The following PLAAT1 variants were observed in gnomAD, a reference collection of about 807,000 sequenced individuals.
PLAAT1 encodes H-REV107 protein-related protein.
A neutral mutation model predicts 16.4 loss-of-function variants in PLAAT1; 13 were observed. That is an observed-to-expected ratio of 0.79 (90% CI 0.52 to 1.26). The LOEUF (loss-of-function observed/expected upper bound fraction) is 1.26, where lower values mean the gene tolerates loss of function less well. Among genes scored for constraint, PLAAT1 ranks in the 50% most tolerant of loss-of-function variants. The probability of loss-of-function intolerance (pLI) is 0.00; values close to 1 mark genes in which losing one functional copy is unlikely to be tolerated. For missense variants in PLAAT1, 218 were observed against 207.8 expected (o/e 1.05, Z -0.30); for synonymous variants, 73 against 78.4 (o/e 0.93, Z 0.36).
chr3:193,262,596 T>C (rs1325056450), intron 2 of PLAAT1, among the ~76,000 whole-genome samples: 2 of 152,238 alleles, frequency 1.3e-5, no homozygotes, highest in East Asian at 3.9e-4. Context: ...AAAACTGCCT[T>C]ATAGAAAAAG....
intron 1 of PLAAT1, among the ~76,000 whole-genome samples, chr3:193,249,229 A>G (rs986941021): frequency 1.2e-4 from 18 of 151,794 alleles, no homozygotes; most frequent in Non-Finnish European, 1.5e-5. Context: ...CAGCTTTCCT[A>G]TCTTCTCTTT....
intron 1 of PLAAT1, among the ~76,000 whole-genome samples, chr3:193,245,697 A>G (rs1207356308): frequency 1.3e-5 from 2 of 152,268 alleles, no homozygotes; most frequent in East Asian, 3.9e-4. Context: ...CCTCACCAAC[A>G]CTTCTTATCA....
downstream of PLAAT1, among the ~76,000 whole-genome samples, chr3:193,280,782 A>G (rs184846237): frequency 3.4e-4 from 52 of 152,314 alleles, no homozygotes; most frequent in Admixed American, 3.2e-3. Context: ...CAGCATTGCC[A>G]TGATACAAAT....
At chr3:193,257,078 G>T (rs1208660408) in intron 2 of PLAAT1, among the ~76,000 whole-genome samples, 1 of 152,042 alleles carries the variant, frequency 6.6e-6, no homozygotes, top group Non-Finnish European at 1.5e-5. Flanking sequence ...CATTTCCCCG[G>T]ACTATGTCTC....
chr3:193,265,924 A>T (rs2108800760), intron 3 of PLAAT1, among the ~76,000 whole-genome samples: 1 of 152,256 alleles, frequency 6.6e-6, no homozygotes, highest in East Asian at 1.9e-4. Flanking sequence ...TGTTCACTGC[A>T]CTAACCAAGC....
intron 1 of PLAAT1, among the ~76,000 whole-genome samples, chr3:193,244,138 A>G (rs1463434217): frequency 6.6e-6 from 1 of 152,128 alleles, no homozygotes; most frequent in Non-Finnish European, 1.5e-5. Flanking sequence ...CACCCTTTGA[A>G]GGTCATCTTG....
chr3:193,271,662 A>T (rs897530491), downstream of PLAAT1, among the ~76,000 whole-genome samples: 3 of 152,108 alleles, frequency 2.0e-5, no homozygotes, highest in African/African-American at 7.2e-5. Context: ...CATAAACTAC[A>T]CCACCAGCCA....
At chr3:193,264,982 G>A (rs1288082994) in intron 3 of PLAAT1, among the ~76,000 whole-genome samples, 4 of 152,148 alleles carry the variant, frequency 2.6e-5, no homozygotes, top group African/African-American at 9.6e-5. Context: ...CACTCAATAC[G>A]ATTGCTATAA....
At chr3:193,252,405 T>C (rs1716225211) in intron 1 of PLAAT1, among the ~76,000 whole-genome samples, 1 of 152,180 alleles carries the variant, frequency 6.6e-6, no homozygotes, top group South Asian at 2.1e-4. Context: ...ATTGTATTGT[T>C]TGCTTTTTTA....
rs1411360444 is a variant in PLAAT1 at position 193,246,017 on chromosome 3, ACTT to A, written c.-1+4489_-1+4491del. Among the ~76,000 whole-genome samples the A allele has an allele frequency of 5.9e-5, 9 of 152,334 alleles. No homozygotes were observed. The East Asian group carries it at 1.4e-3, about 23-fold the overall frequency. On this transcript the variant is annotated intron_variant, in intron 1 of 3. Transcript: ENST00000264735. ...TAATGTCATCAACAAACAGAAATAC[ACTT>A]CTTCCATTCCTATATGAATGCCTTT...
chr3:193,249,026 G>A (rs1716091034), intron 1 of PLAAT1, among the ~76,000 whole-genome samples: 1 of 152,064 alleles, frequency 6.6e-6, no homozygotes, highest in African/African-American at 2.4e-5. Context: ...GTTTATCTGA[G>A]AAAGTTTTTT....
chr3:193,251,507 A>G (rs1250769079), intron 1 of PLAAT1, among the ~76,000 whole-genome samples: 1 of 152,182 alleles, frequency 6.6e-6, no homozygotes, highest in African/African-American at 2.4e-5. Flanking sequence ...CAAGGTGTGA[A>G]ACCTCACTTT....
In PLAAT1 at chr3:193,254,940, G is replaced by T. The variant is rs370291645; in HGVS notation, c.1-711G>T. 1.1e-4 allele frequency among the ~76,000 whole-genome samples: 17 copies of T among 152,292 alleles called. No individual in the cohort carries two copies. The East Asian group carries it at 3.3e-3, about 29-fold the overall frequency. ...TGTCCTACATTAATTTGAACATCTG[G>T]CTGGACATCCATCTGAGCCTGGAAC... On this transcript the variant is annotated intron_variant, in intron 1 of 3. Transcript: ENST00000264735.
chr3:193,275,172 G>A (rs755766325), downstream of PLAAT1: 7 of 1,614,002 alleles, frequency 4.3e-6, no homozygotes, highest in East Asian at 1.6e-4. Context: ...TGAATAATCT[G>A]TCCTGTTTAT....
At chr3:193,270,942 C>A, downstream of PLAAT1, 3 of 687,252 alleles carry the variant, frequency 4.4e-6, no homozygotes, top group South Asian at 6.4e-5. Flanking sequence ...TTTGAGTGAG[C>A]CAGCAGAAGA....
chr3:193,255,722 C>T lies in PLAAT1; in HGVS notation c.72C>T (p.Phe24=), dbSNP rs563532190. The T allele has an allele frequency of 1.5e-5, 25 of 1,613,380 alleles. No individual in the cohort carries two copies. The South Asian group carries it at 2.5e-4, about 16-fold the overall frequency. ...GCCCAGGGGACTTGATCGAAGTGTT[C>T]CGTCCTGGCTATCAGCACTGGGCCC... The part of the protein sequence containing the change: ...NPCPGDLIEV[F]RPGYQHWALY... The change falls in exon 2 of 4, where the codon TTC becomes TTT. Residue 24 remains phenylalanine (F), a synonymous_variant. Coordinates refer to ENST00000264735, the MANE Select transcript of PLAAT1 (RefSeq NM_020386.5).
intron 1 of PLAAT1, among the ~76,000 whole-genome samples, chr3:193,246,387 CAG>C (rs1386910283): frequency 2.0e-5 from 3 of 151,794 alleles, no homozygotes; most frequent in African/African-American, 4.8e-5. Context: ...ATTTTTGAGA[CAG>C]AGTCTTACTC....
At chr3:193,279,381 T>C (rs1717376722), downstream of PLAAT1, 1 of 1,613,528 alleles carries the variant, frequency 6.2e-7, no homozygotes, top group Non-Finnish European at 8.5e-7. Flanking sequence ...TTCCACGGTA[T>C]ATAACTTGAA....
At position 193,270,763 on chromosome 3, in the gene PLAAT1, G is replaced by T; in HGVS notation, c.*58G>T. The T allele has an allele frequency of 6.3e-7, 1 of 1,578,222 alleles. No homozygotes were observed. Among genetic ancestry groups the T allele is most frequent in the Non-Finnish European group, 8.6e-7 (1 of 1,161,218 alleles). ...ATTTGGGAGGAGGAAAAGAAACCTG[G>T]GGTGAATACTTATTTTCAGTGCATC... is the stretch of plus-strand genomic sequence containing the variant. On this transcript the variant is annotated 3_prime_UTR_variant, in exon 4 of 4. Coordinates refer to ENST00000264735, the MANE Select transcript of PLAAT1 (RefSeq NM_020386.5).
Sources: allele counts gnomAD v4.1 joint callset (sites outside exome capture counted in the v4.1 genomes callset), GRCh38; gene constraint gnomAD v4.1.1; transcripts MANE v1.5; gene names NCBI Gene and HGNC (gene_info 2026-07-23, HGNC 2026-07-21).